The following USH2A variants were observed in gnomAD, a reference collection of about 807,000 sequenced individuals.
USH2A encodes usherin.
USH2A carries 443 observed loss-of-function variants against 538.9 expected under a neutral mutation model. The observed-to-expected ratio is 0.82, with a 90% CI of 0.76 to 0.89. The LOEUF is 0.89. Among genes scored for constraint, USH2A ranks in the 40% least tolerant of loss-of-function variants. USH2A has a pLI of 0.00. For synonymous variants in USH2A, 2,413 were observed against 2,273.5 expected (o/e 1.06, Z -1.75); for missense variants, 6,633 against 6,324.8 (o/e 1.05, Z -1.65).
intron 37 of USH2A, 97 bp downstream of exon 37, chr1:215,965,220 G>A (rs1667308470): frequency 1.5e-6 from 2 of 1,347,558 alleles, no homozygotes; most frequent in Non-Finnish European, 1.0e-6. Flanking sequence ...ACCAACATCT[G>A]TGGCTAAAAG....
intron 4 of USH2A, among the ~76,000 whole-genome samples, chr1:216,360,412 G>T (rs1353623245): frequency 6.6e-6 from 1 of 152,080 alleles, no homozygotes; most frequent in Middle Eastern, 3.2e-3. Flanking sequence ...TAGAGATAAG[G>T]ATGAATATGA....
At chr1:216,096,904 G>T (rs1437552617) in intron 22 of USH2A, among the ~76,000 whole-genome samples, 179 bp downstream of exon 22, 9 of 152,212 alleles carry the variant, frequency 5.9e-5, no homozygotes, top group Non-Finnish European at 1.3e-4. Context: ...TATTTTAGCT[G>T]AGGGCAAGTC....
intron 21 of USH2A, among the ~76,000 whole-genome samples, chr1:216,148,739 T>C (rs2033766343): frequency 6.6e-6 from 1 of 151,710 alleles, no homozygotes; most frequent in African/African-American, 2.4e-5. Flanking sequence ...GCCAAACCCA[T>C]ATACTCTCCT....
At chr1:216,055,094 T>G (rs1388229243) in intron 30 of USH2A, among the ~76,000 whole-genome samples, 3 of 152,186 alleles carry the variant, frequency 2.0e-5, no homozygotes, top group Non-Finnish European at 4.4e-5. Flanking sequence ...TATCTTTATA[T>G]TCTACTGCAT....
intron 70 of USH2A, 144 bp from the exon 71 acceptor site, chr1:215,629,179 C>G: frequency 1.1e-6 from 1 of 903,002 alleles, no homozygotes; most frequent in Non-Finnish European, 1.8e-6. Context: ...GAACAACTGT[C>G]ACCTACAGAA....
intron 32 of USH2A, among the ~76,000 whole-genome samples, chr1:216,040,858 G>T (rs1376868202): frequency 6.6e-6 from 1 of 151,872 alleles, no homozygotes; most frequent in East Asian, 1.9e-4. Context: ...AGAAATAAGA[G>T]ATTAATGGAG....
At chr1:215,851,323 G>A (rs1158367230) in intron 44 of USH2A, among the ~76,000 whole-genome samples, 1 of 152,074 alleles carries the variant, frequency 6.6e-6, no homozygotes, top group African/African-American at 2.4e-5. Context: ...AAGAAAAGAA[G>A]AGAGAAGATC....
chr1:215,733,253 A>G (rs1056832478), intron 60 of USH2A, among the ~76,000 whole-genome samples: 1 of 152,052 alleles, frequency 6.6e-6, no homozygotes, highest in Admixed American at 6.5e-5. Flanking sequence ...ATCTCCCATC[A>G]TGAACAAACT....
intron 21 of USH2A, among the ~76,000 whole-genome samples, chr1:216,169,454 A>G (rs933800701): frequency 1.3e-5 from 2 of 152,142 alleles, no homozygotes; most frequent in African/African-American, 4.8e-5. Flanking sequence ...ATGGGGAAAT[A>G]ATGGTCCTCT....
chr1:216,411,167 C>T (rs892492357), intron 3 of USH2A, among the ~76,000 whole-genome samples: 3 of 152,096 alleles, frequency 2.0e-5, no homozygotes, highest in Non-Finnish European at 4.4e-5. Context: ...CACACCATGT[C>T]CCACTTTGCC....
chr1:215,910,430 C>T (rs1186624928), intron 38 of USH2A, among the ~76,000 whole-genome samples: 1 of 151,830 alleles, frequency 6.6e-6, no homozygotes, highest in Non-Finnish European at 1.5e-5. Context: ...TCTCTATGTG[C>T]CCCAGTTTCT....
intron 14 of USH2A, among the ~76,000 whole-genome samples, chr1:216,231,448 A>T (rs2035689788): frequency 6.6e-6 from 1 of 150,462 alleles, no homozygotes; most frequent in Admixed American, 6.7e-5. Flanking sequence ...GATGGGCCAC[A>T]TCTATCAATA....
intron 20 of USH2A, among the ~76,000 whole-genome samples, chr1:216,177,781 G>A (rs555012377): frequency 2.6e-5 from 4 of 152,198 alleles, no homozygotes; most frequent in South Asian, 2.1e-4. Context: ...GGTTTGTTTT[G>A]GTTTGATTTT....
chr1:215,898,832 T>C (rs975300528), intron 40 of USH2A, among the ~76,000 whole-genome samples: 1 of 152,204 alleles, frequency 6.6e-6, no homozygotes, highest in Non-Finnish European at 1.5e-5. Flanking sequence ...GTGTATGTAA[T>C]GTTCCTCCTA....
At chr1:216,351,280 T>C (rs2038283093) in intron 4 of USH2A, among the ~76,000 whole-genome samples, 1 of 152,128 alleles carries the variant, frequency 6.6e-6, no homozygotes, top group African/African-American at 2.4e-5. Flanking sequence ...AGACCCAAAG[T>C]GGGGAGGTGG....
At chr1:216,405,001 C>A (rs1465788170) in intron 3 of USH2A, among the ~76,000 whole-genome samples, 5 of 151,456 alleles carry the variant, frequency 3.3e-5, no homozygotes, top group Non-Finnish European at 7.4e-5. Context: ...CAGCCTCCCC[C>A]ATAGGTGGAA....
chr1:215,990,245 G>A (rs1667971659), intron 35 of USH2A, among the ~76,000 whole-genome samples: 1 of 151,364 alleles, frequency 6.6e-6, no homozygotes, highest in Admixed American at 6.6e-5. Flanking sequence ...TCTCAAAAGA[G>A]AAACCCAGCC....
At chr1:215,997,172 C>T (rs1200049179) in intron 34 of USH2A, among the ~76,000 whole-genome samples, 1 of 152,134 alleles carries the variant, frequency 6.6e-6, no homozygotes, top group African/African-American at 2.4e-5. Flanking sequence ...TAAGTAAAAA[C>T]CCTGTTAGTT....
rs1195050308 is a variant in USH2A, at chr1:215,675,140, C to T, written c.12771G>A (p.Arg4257=). The part of the protein sequence containing the change: ...GHTCSSWNVV[R]TLQAPPEGLS... ...GACCTTCTGGAGGTGCTTGCAATGT[C>T]CTCACCACATTCCAAGAGCTACAGG... Residue 4257 remains arginine (R), a synonymous_variant, in exon 63 of 72, where the codon AGG becomes AGA. Transcript: ENST00000307340. 1 of 1,614,064 alleles carries T rather than the reference C, an allele frequency of 6.2e-7. No individual in the cohort carries two copies. Among genetic ancestry groups the T allele is most frequent in the Non-Finnish European group, 8.5e-7 (1 of 1,180,012 alleles).
Sources: gnomAD v4.1 joint callset for allele counts (sites outside exome capture counted in the v4.1 genomes callset) on GRCh38, gnomAD v4.1.1 for gene constraint, MANE v1.5 for transcripts, NCBI Gene and HGNC (gene_info 2026-07-23, HGNC 2026-07-21) for gene names.